ARL5B: variants seen among roughly 807,000 people sequenced by gnomAD.
The protein encoded by ARL5B is ADP-ribosylation factor-like protein 5B.
Under a neutral mutation model 26.9 loss-of-function variants are expected in ARL5B, and 10 were observed. The ratio of observed to expected loss-of-function variants is 0.37; its 90% CI spans 0.23 to 0.63. The LOEUF (loss-of-function observed/expected upper bound fraction) is 0.63. Among genes scored for constraint, ARL5B ranks in the 30% least tolerant of loss-of-function variants. The pLI, the probability that ARL5B is intolerant of heterozygous loss-of-function variation, is 0.62. For synonymous variants in ARL5B, 87 were observed against 70.4 expected, an observed-to-expected ratio of 1.24 and a Z score of -1.18; for missense variants, 167 against 213.9, an observed-to-expected ratio of 0.78 and a Z score of 1.37.
intron 1 of ARL5B, among the ~76,000 whole-genome samples, chr10:18,660,511 A>G (rs2059827439): frequency 6.6e-6 from 1 of 152,186 alleles, no homozygotes; most frequent in Non-Finnish European, 1.5e-5. Flanking sequence ...AACTCGTTTC[A>G]TTTTACATTT....
rs2059931594 is a variant in ARL5B at position 18,681,418 on chromosome 10, T to C, written c.*6202T>C. 1 of 152,202 alleles carries C rather than the reference T, an allele frequency of 6.6e-6. No homozygotes were observed. Among genetic ancestry groups the C allele is most frequent in the Non-Finnish European group, 1.5e-5 (1 of 68,040 alleles). 9.4% of individuals were successfully genotyped at this position (152,202 alleles called of 1,614,324 possible). The stretch of plus-strand genomic sequence containing the variant: ...TGAAGTGCTTCTTTTATATGTTAAG[T>C]TTAGGTTGCCAGTACTCATAATTTT... On this transcript the variant is annotated 3_prime_UTR_variant, in exon 6 of 6. Coordinates refer to ENST00000377275, the MANE Select transcript of ARL5B (RefSeq NM_178815.5).
intron 1 of ARL5B, among the ~76,000 whole-genome samples, chr10:18,663,761 G>T (rs1300467463): frequency 1.3e-5 from 2 of 151,334 alleles, no homozygotes; most frequent in Non-Finnish European, 2.9e-5. Context: ...TGTTAGCTAG[G>T]ATGGTCTCGA....
chr10:18,666,471 G>C, intron 1 of ARL5B, 104 bp from the exon 2 acceptor site: 1 of 910,266 alleles, frequency 1.1e-6, no homozygotes, highest in Non-Finnish European at 1.6e-6. Context: ...TAGATATTCA[G>C]TGAATGATTC....
Position 18,676,321 on chromosome 10 carries a change from T to C in ARL5B, c.*1105T>C, listed in dbSNP as rs1256424589. 3 of 152,452 alleles carry C rather than the reference T, an allele frequency of 2.0e-5. No homozygotes were observed. Among genetic ancestry groups the C allele is most frequent in the African/African-American group, 7.2e-5 (3 of 41,432 alleles). 9.4% of individuals were successfully genotyped at this position (152,452 alleles called of 1,614,324 possible). A position where few individuals can be genotyped will look rare whatever the true frequency, so the allele number is the denominator to read the frequency against. ...GAAACAATTGCCATCTTTGTAGTTA[T>C]GCCTTGGGTTCTAAAATGTTATAGG... On this transcript the variant is annotated 3_prime_UTR_variant, in exon 6 of 6. Coordinates refer to ENST00000377275, the MANE Select transcript of ARL5B (RefSeq NM_178815.5).
intron 3 of ARL5B, among the ~76,000 whole-genome samples, chr10:18,671,744 A>T (rs2059888535): frequency 6.6e-6 from 1 of 151,134 alleles, no homozygotes; most frequent in South Asian, 2.1e-4. Flanking sequence ...TTCTCAGTAC[A>T]GCCTCAACTT....
chr10:18,660,862 T>G (rs2059831075), intron 1 of ARL5B, among the ~76,000 whole-genome samples: 1 of 152,206 alleles, frequency 6.6e-6, no homozygotes, highest in African/African-American at 2.4e-5. Flanking sequence ...TTTATTTATT[T>G]TTTGAGGCAG....
intron 3 of ARL5B, 128 bp from the exon 4 acceptor site, chr10:18,672,494 A>G (rs1701303235): frequency 1.2e-5 from 7 of 578,656 alleles, no homozygotes; most frequent in Non-Finnish European, 2.1e-5. Context: ...TATGGTGAAA[A>G]AGCAGTAGAT....
At position 18,676,849 on chromosome 10, in the gene ARL5B, G is replaced by C. The variant is rs2059912559; in HGVS notation, c.*1633G>C. ...TTTAGTTGGAGCACACCCTTGAACT[G>C]AACAGTGGCCAAAGGAAAGCTTTCT... is the stretch of plus-strand genomic sequence containing the variant. On this transcript the variant is annotated 3_prime_UTR_variant, in exon 6 of 6. Coordinates refer to ENST00000377275, the MANE Select transcript of ARL5B (RefSeq NM_178815.5). 1 of 152,060 alleles carries C rather than the reference G, an allele frequency of 6.6e-6. No individual in the cohort carries two copies. The highest frequency in any genetic ancestry group is 2.4e-5 in the African/African-American group (1 of 41,414). The allele number at this position is 152,060 out of a possible 1,614,324, so 9.4% of individuals were successfully genotyped here.
chr10:18,670,055 A>G (rs1355192298), intron 3 of ARL5B, among the ~76,000 whole-genome samples: 3 of 151,916 alleles, frequency 2.0e-5, no homozygotes, highest in Non-Finnish European at 2.9e-5. Flanking sequence ...ATATAATATG[A>G]ATAATTTTTG....
intron 1 of ARL5B, among the ~76,000 whole-genome samples, chr10:18,661,822 T>C (rs1163619703): frequency 1.3e-5 from 2 of 152,164 alleles, no homozygotes; most frequent in African/African-American, 4.8e-5. Flanking sequence ...AGAGCTAATA[T>C]GCAAAAGGGA....
In ARL5B at chr10:18,668,669, A is replaced by G; in HGVS notation, c.247A>G (p.Asn83Asp). 6.2e-7 allele frequency: 1 copy of G among 1,613,882 alleles called. No homozygotes were observed. The highest frequency in any genetic ancestry group is 8.5e-7 in the Non-Finnish European group (1 of 1,179,942). ...LRSSWNTYYSNTEFIILVVDS... is the reference protein window; with the variant it reads ...LRSSWNTYYSDTEFIILVVDS... ...ATCATCCTGGAACACATATTACTCA[A>G]ATACAGAGGTATGCTAAGATGAATT... Residue 83 changes from asparagine to aspartate, a missense_variant, in exon 3 of 6, where the codon AAT (asparagine) becomes GAT (aspartate). Asn to Asp is a conservative substitution (Grantham distance 23). Transcript: ENST00000377275.
At position 18,679,677 on chromosome 10, in the gene ARL5B, C is replaced by G. The variant is rs1406944236; in HGVS notation, c.*4461C>G. ...AAATTGTGCCCCTCAGACCTAAAGG[C>G]AGCTTTAAATGTATATAGTTTGGTG... On this transcript the variant is annotated 3_prime_UTR_variant, in exon 6 of 6. Coordinates refer to ENST00000377275, the MANE Select transcript of ARL5B (RefSeq NM_178815.5). 2 of 151,748 alleles carry G rather than the reference C, an allele frequency of 1.3e-5. No homozygotes were observed. The highest frequency in any genetic ancestry group is 2.9e-5 in the Non-Finnish European group (2 of 67,818). The allele number at this position is 151,748 out of a possible 1,614,324, so 9.4% of individuals were successfully genotyped here.
intron 1 of ARL5B, 128 bp downstream of exon 1, chr10:18,659,811 G>A: frequency 6.6e-7 from 1 of 1,509,136 alleles, no homozygotes; most frequent in South Asian, 1.2e-5. Flanking sequence ...GCCAGGGGGC[G>A]GGCAGAAACT....
intron 1 of ARL5B, among the ~76,000 whole-genome samples, chr10:18,663,288 C>G (rs1431235971): frequency 6.6e-6 from 1 of 151,872 alleles, no homozygotes; most frequent in Non-Finnish European, 1.5e-5. Context: ...AGGCGTGAGC[C>G]ACTGCACCTG....
intron 1 of ARL5B, among the ~76,000 whole-genome samples, chr10:18,664,557 C>A (rs2059852547): frequency 6.8e-6 from 1 of 147,130 alleles, no homozygotes; most frequent in Non-Finnish European, 1.5e-5. Context: ...TCTGCTTCAA[C>A]CTCCCAAGTA....
chr10:18,662,352 G>A (rs928531892), intron 1 of ARL5B, among the ~76,000 whole-genome samples: 2 of 151,960 alleles, frequency 1.3e-5, no homozygotes, highest in Non-Finnish European at 2.9e-5. Flanking sequence ...AGTCTCATGC[G>A]TCTTATAAAT....
At chr10:18,665,791 G>A (rs1361121312) in intron 1 of ARL5B, among the ~76,000 whole-genome samples, 1 of 152,166 alleles carries the variant, frequency 6.6e-6, no homozygotes, top group East Asian at 1.9e-4. Context: ...CTTGGCATAA[G>A]TGAAAATCTA....
rs566906053 is a variant in ARL5B, at chr10:18,669,854, G to T, written c.255+1177G>T. ...TAAAAATACAAAAAACTAGCCGGGC[G>T]TGGTGGGGCAGACTTGTAGTCCCCA... On this transcript the variant is annotated intron_variant, in intron 3 of 5. Coordinates refer to ENST00000377275, the MANE Select transcript of ARL5B (RefSeq NM_178815.5). Among the ~76,000 whole-genome samples, 13 of 152,064 alleles carry T rather than the reference G, an allele frequency of 8.5e-5. No individual in the cohort carries two copies. The East Asian group carries it at 2.1e-3, about 25-fold the overall frequency.
chr10:18,664,081 G>C (rs1164904004), intron 1 of ARL5B, among the ~76,000 whole-genome samples: 1 of 151,966 alleles, frequency 6.6e-6, no homozygotes, highest in Admixed American at 6.6e-5. Flanking sequence ...AGCCTCCCAA[G>C]TAACTAGGAC....
Sources: allele counts gnomAD v4.1 joint callset (sites outside exome capture counted in the v4.1 genomes callset), GRCh38; gene constraint gnomAD v4.1.1; transcripts MANE v1.5; gene names NCBI Gene and HGNC (gene_info 2026-07-23, HGNC 2026-07-21).